The following PTPRT variants were observed in gnomAD, a reference collection of about 807,000 sequenced individuals.
The protein encoded by PTPRT is protein tyrosine phosphatase receptor type T.
In PTPRT, 56 loss-of-function variants were observed where a neutral mutation model predicts 176.8. The observed-to-expected ratio is 0.32, with a 90% CI of 0.26 to 0.40. The LOEUF (loss-of-function observed/expected upper bound fraction) is 0.40, where lower values mean the gene tolerates loss of function less well. Among genes scored for constraint, PTPRT ranks in the 10% least tolerant of loss-of-function variants. The pLI is 1.00. For synonymous variants in PTPRT, 783 were observed against 739.0 expected, an observed-to-expected ratio of 1.06 and a Z score of -0.96; for missense variants, 1,540 against 1,908.2, an observed-to-expected ratio of 0.81 and a Z score of 3.60.
intron 1 of PTPRT, among the ~76,000 whole-genome samples, chr20:43,013,340 A>G (rs1985221421): frequency 6.6e-6 from 1 of 152,162 alleles, no homozygotes; most frequent in Non-Finnish European, 1.5e-5. Context: ...TTCTGCTGCC[A>G]TCAATGCATT....
chr20:42,910,008 G>T (rs920075546), intron 1 of PTPRT, among the ~76,000 whole-genome samples: 4 of 151,930 alleles, frequency 2.6e-5, no homozygotes, highest in African/African-American at 9.7e-5. Flanking sequence ...CTTCTTCCAC[G>T]CCTCAATCAC....
chr20:42,977,160 A>G (rs1362841726), intron 1 of PTPRT, among the ~76,000 whole-genome samples: 1 of 152,200 alleles, frequency 6.6e-6, no homozygotes, highest in Non-Finnish European at 1.5e-5. Context: ...AATGCCAGAC[A>G]GATGAAAGGA....
rs536040699 is a variant in PTPRT at position 42,264,317 on chromosome 20, C to T, written c.2177-15495G>A. 1.2e-4 allele frequency among the ~76,000 whole-genome samples: 18 copies of T among 152,284 alleles called. 1 individual carries two copies. In the East Asian group the frequency reaches 2.9e-3, roughly 25 times the overall value. ...TAAGTCTTTTGATTCAGTGGGGAGA[C>T]GGGCAACAGAAAATGGCAGCTCAAA... On this transcript the variant is annotated intron_variant, in intron 13 of 30. Transcript: ENST00000373187.
chr20:42,266,752 C>T (rs1161019052), intron 13 of PTPRT, among the ~76,000 whole-genome samples: 1 of 152,130 alleles, frequency 6.6e-6, no homozygotes, highest in Admixed American at 6.5e-5. Context: ...TGAGCCTCTT[C>T]TCTACACATA....
chr20:42,787,990 ATCAGTT>A (rs1255179677), intron 3 of PTPRT, among the ~76,000 whole-genome samples: 1 of 152,158 alleles, frequency 6.6e-6, no homozygotes, highest in Non-Finnish European at 1.5e-5. Flanking sequence ...ATCTGACACC[ATCAGTT>A]TCAGATAAAG....
In PTPRT at chr20:42,296,913, T is replaced by C. The variant is rs115386545; in HGVS notation, c.2140-14388A>G. ...ACTTATTTCATATCACATGCCTGTA[T>C]CAAAATGTCTCATTTACCCCATAAA... On this transcript the variant is annotated intron_variant, in intron 12 of 30. Transcript: ENST00000373187. 5.6e-3 allele frequency among the ~76,000 whole-genome samples: 854 copies of C among 152,240 alleles called. 11 individuals carry two copies. The highest frequency in any genetic ancestry group is 0.019 in the African/African-American group (779 of 41,548).
chr20:42,921,722 A>G (rs1979157315), intron 1 of PTPRT, among the ~76,000 whole-genome samples: 1 of 152,232 alleles, frequency 6.6e-6, no homozygotes, highest in African/African-American at 2.4e-5. Flanking sequence ...GCAGCATCCG[A>G]TCTCAGAACA....
chr20:42,737,547 G>A (rs1351258012), intron 6 of PTPRT, among the ~76,000 whole-genome samples: 5 of 151,844 alleles, frequency 3.3e-5, no homozygotes. Context: ...AGGGAGAATG[G>A]CTTGAACCCG....
chr20:42,392,485 TC>T (rs1277516916), intron 9 of PTPRT, among the ~76,000 whole-genome samples: 1 of 152,230 alleles, frequency 6.6e-6, no homozygotes, highest in Non-Finnish European at 1.5e-5. Flanking sequence ...TATTTATCTT[TC>T]TTTTTAAAAA....
chr20:42,210,340 A>T (rs1287977989), intron 15 of PTPRT, among the ~76,000 whole-genome samples: 3 of 152,042 alleles, frequency 2.0e-5, no homozygotes, highest in African/African-American at 7.3e-5. Flanking sequence ...TTCAATTAGG[A>T]AAAGAGGAAG....
intron 1 of PTPRT, among the ~76,000 whole-genome samples, chr20:43,179,865 GT>G (rs1377445088): frequency 1.3e-5 from 2 of 152,234 alleles, no homozygotes; most frequent in Non-Finnish European, 2.9e-5. Flanking sequence ...TCCTGAAATG[GT>G]TCCCAATGAC....
intron 7 of PTPRT, among the ~76,000 whole-genome samples, chr20:42,483,210 G>C (rs112805748): frequency 0.039 from 5,893 of 152,180 alleles, 292 homozygotes; most frequent in African/African-American, 0.11. Context: ...CTGTCACCCA[G>C]GCTGGAGTTC....
chr20:43,163,367 G>C (rs757822763), intron 1 of PTPRT, among the ~76,000 whole-genome samples: 1 of 152,126 alleles, frequency 6.6e-6, no homozygotes, highest in African/African-American at 2.4e-5. Flanking sequence ...GGCCAGGCGC[G>C]GTGGCTCGTG....
chr20:42,874,894 CCTTT>C (rs1419780524), intron 2 of PTPRT, among the ~76,000 whole-genome samples: 9 of 152,080 alleles, frequency 5.9e-5, no homozygotes, highest in African/African-American at 1.9e-4. Context: ...TTTCTTTCTT[CCTTT>C]CTTTTTTGAG....
intron 1 of PTPRT, among the ~76,000 whole-genome samples, chr20:43,141,950 T>C (rs1245992858): frequency 1.3e-5 from 2 of 152,116 alleles, no homozygotes; most frequent in African/African-American, 2.4e-5. Context: ...CCGAGCAGCT[T>C]TCCTTAAGAC....
At chr20:42,728,185 C>T (rs2076408064) in intron 6 of PTPRT, among the ~76,000 whole-genome samples, 1 of 152,166 alleles carries the variant, frequency 6.6e-6, no homozygotes, top group African/African-American at 2.4e-5. Context: ...AACTGTCATA[C>T]CTTATCTCTA....
chr20:42,311,958 T>C (rs545708210), intron 12 of PTPRT, among the ~76,000 whole-genome samples: 2 of 152,348 alleles, frequency 1.3e-5, no homozygotes, highest in African/African-American at 2.4e-5. Context: ...TTTACATTCA[T>C]CCATCTTCCA....
chr20:42,162,277 T>C (rs552037074), intron 16 of PTPRT, among the ~76,000 whole-genome samples: 5 of 152,328 alleles, frequency 3.3e-5, no homozygotes, highest in African/African-American at 1.2e-4. Context: ...TGCTAGCTAC[T>C]TTCCCCGGGC....
chr20:43,171,992 C>T (rs76286316), intron 1 of PTPRT, among the ~76,000 whole-genome samples: 3,230 of 152,260 alleles, frequency 0.021, 52 homozygotes, highest in Non-Finnish European at 0.033. Flanking sequence ...TGGAACCCAG[C>T]GCAGTACAGA....
Sources: allele counts gnomAD v4.1 joint callset (sites outside exome capture counted in the v4.1 genomes callset), GRCh38; gene constraint gnomAD v4.1.1; transcripts MANE v1.5; gene names NCBI Gene and HGNC (gene_info 2026-07-23, HGNC 2026-07-21).